The following BBS12 variants were observed in gnomAD, a reference collection of about 807,000 sequenced individuals.
The protein encoded by BBS12 is Bardet-Biedl syndrome 12.
A neutral mutation model predicts 5.6 loss-of-function variants in BBS12; 5 were observed. The ratio of observed to expected loss-of-function variants is 0.89; its 90% CI spans 0.46 to 1.86. The LOEUF (loss-of-function observed/expected upper bound fraction) is 1.86, where lower values mean the gene tolerates loss of function less well. Ranked by LOEUF, BBS12 falls within the 40% of genes most tolerant of loss-of-function variation. BBS12 has a pLI of 0.01. For synonymous variants in BBS12, 308 were observed against 306.8 expected (o/e 1.00, Z -0.04); for missense variants, 748 against 830.4 (o/e 0.90, Z 1.22).
Position 122,743,775 on chromosome 4 carries a change from ACT to A in BBS12, c.1886_1887del (p.Ser629TrpfsTer10). 1.9e-6 allele frequency: 3 copies of A among 1,614,108 alleles called. No individual in the cohort carries two copies. Among genetic ancestry groups the A allele is most frequent in the Non-Finnish European group, 2.5e-6 (3 of 1,179,984 alleles). On this transcript the variant is annotated frameshift_variant, in exon 2 of 2. Coordinates refer to ENST00000314218, the MANE Select transcript of BBS12 (RefSeq NM_152618.3). LOFTEE classifies it high-confidence loss of function. ...CAACATCATCTGCAAAATGCCACAG[ACT>A]CTGGCTCTCCTTCATCTTACATCTT...
chr4:122,719,498 C>T, the BBS12 span, among the ~76,000 whole-genome samples: 3 of 151,310 alleles, frequency 2.0e-5, no homozygotes, highest in South Asian at 2.1e-4. Flanking sequence ...TAACACTCAC[C>T]GTGAGGGTCT....
At chr4:122,714,059 A>G in the BBS12 span, among the ~76,000 whole-genome samples, 1 of 152,210 alleles carries the variant, frequency 6.6e-6, no homozygotes, top group Non-Finnish European at 1.5e-5. Flanking sequence ...TTAAAGCTTT[A>G]ACCTTCAATA....
the BBS12 span, among the ~76,000 whole-genome samples, chr4:122,720,526 G>A: frequency 6.6e-6 from 1 of 152,160 alleles, no homozygotes; most frequent in Non-Finnish European, 1.5e-5. Flanking sequence ...TCTATTAGAT[G>A]CAGCAGAACA....
chr4:122,711,827 T>C, the BBS12 span, among the ~76,000 whole-genome samples: 1 of 152,184 alleles, frequency 6.6e-6, no homozygotes, highest in Non-Finnish European at 1.5e-5. Flanking sequence ...TGGTAAAGCA[T>C]TATTTTGGAT....
the BBS12 span, among the ~76,000 whole-genome samples, chr4:122,717,917 G>A: frequency 6.6e-6 from 1 of 152,200 alleles, no homozygotes; most frequent in Non-Finnish European, 1.5e-5. Context: ...AGAGGTAGTA[G>A]AGGATCGTGG....
Position 122,743,907 on chromosome 4 carries a change from C to A in BBS12, c.2015C>A (p.Ala672Glu). The change falls in exon 2 of 2, where the codon GCG (alanine) becomes GAG (glutamate). Residue 672 changes from alanine to glutamate, a missense_variant. Transcript: ENST00000314218. ...GACGTTGTTACACCAAAGATTGAGG[C>A]GTGGCGCCGAGCATTGGATTTAGTA... ...VYDVVTPKIE[A>E]WRRALDLVLL... The A allele has an allele frequency of 1.2e-6, 2 of 1,605,506 alleles. No individual in the cohort carries two copies. Among genetic ancestry groups the A allele is most frequent in the Non-Finnish European group, 1.7e-6 (2 of 1,176,008 alleles).
At chr4:122,715,462 T>C in the BBS12 span, among the ~76,000 whole-genome samples, 1 of 152,182 alleles carries the variant, frequency 6.6e-6, no homozygotes, top group Non-Finnish European at 1.5e-5. Context: ...GCCTGTTTGA[T>C]ATTCCCCTAC....
the BBS12 span, among the ~76,000 whole-genome samples, chr4:122,721,008 C>T: frequency 6.6e-6 from 1 of 151,624 alleles, no homozygotes; most frequent in Non-Finnish European, 1.5e-5. Flanking sequence ...TTTCAACAGA[C>T]ATTATGGAAA....
the BBS12 span, among the ~76,000 whole-genome samples, chr4:122,725,523 C>G: frequency 1.3e-5 from 2 of 152,214 alleles, no homozygotes. Context: ...AAAGGACACC[C>G]TAATCAACAA....
upstream of BBS12, chr4:122,731,411 C>T (rs1800694614): frequency 6.6e-6 from 1 of 152,132 alleles, no homozygotes; most frequent in Non-Finnish European, 1.5e-5. Context: ...ACCCTGAAAA[C>T]ATATTTAATC....
chr4:122,701,493 G>A, the BBS12 span, among the ~76,000 whole-genome samples: 1 of 152,216 alleles, frequency 6.6e-6, no homozygotes, highest in African/African-American at 2.4e-5. Context: ...TGTCTGCATA[G>A]ATCTAGACAT....
the BBS12 span, among the ~76,000 whole-genome samples, chr4:122,702,738 T>G: frequency 0.24 from 36,401 of 152,080 alleles, 4,604 homozygotes; most frequent in South Asian, 0.39. Context: ...TGAATAGAAA[T>G]GCATCATGGC....
chr4:122,739,670 T>C (rs1402715308), intron 1 of BBS12, among the ~76,000 whole-genome samples: 2 of 152,222 alleles, frequency 1.3e-5, no homozygotes, highest in Non-Finnish European at 1.5e-5. Flanking sequence ...GAGCAGCCCA[T>C]GTAGACAGCT....
chr4:122,719,038 C>T, the BBS12 span, among the ~76,000 whole-genome samples: 3 of 152,122 alleles, frequency 2.0e-5, no homozygotes, highest in African/African-American at 7.2e-5. Context: ...CCAGGATGGT[C>T]TCGATCTCCT....
chr4:122,705,465 C>G, the BBS12 span, among the ~76,000 whole-genome samples: 1 of 152,128 alleles, frequency 6.6e-6, no homozygotes, highest in African/African-American at 2.4e-5. Flanking sequence ...CAAAAAATTT[C>G]TAAAGCTAAC....
At chr4:122,707,149 T>A in the BBS12 span, among the ~76,000 whole-genome samples, 1 of 149,362 alleles carries the variant, frequency 6.7e-6, no homozygotes, top group Admixed American at 6.8e-5. Flanking sequence ...GCAATCCTCA[T>A]GTGGCTTATC....
chr4:122,703,382 T>G, the BBS12 span, among the ~76,000 whole-genome samples: 1 of 152,160 alleles, frequency 6.6e-6, no homozygotes, highest in Non-Finnish European at 1.5e-5. Flanking sequence ...ATGGCCCTTC[T>G]TAAGACTTTC....
chr4:122,734,271 CTT>C (rs1209513683), intron 1 of BBS12, among the ~76,000 whole-genome samples: 1 of 146,204 alleles, frequency 6.8e-6, no homozygotes, highest in Non-Finnish European at 1.5e-5. Flanking sequence ...AGGTCATACA[CTT>C]TTTTTTTTTT....
At chr4:122,716,632 T>G in the BBS12 span, among the ~76,000 whole-genome samples, 1 of 101,386 alleles carries the variant, frequency 9.9e-6, no homozygotes, top group Admixed American at 9.7e-5. Context: ...CATACACATA[T>G]GTATATACAC....
Sources: allele counts gnomAD v4.1 joint callset (sites outside exome capture counted in the v4.1 genomes callset), GRCh38; gene constraint gnomAD v4.1.1; transcripts MANE v1.5; gene names NCBI Gene and HGNC (gene_info 2026-07-23, HGNC 2026-07-21).